The following DLG2 variants were observed in gnomAD, a reference collection of about 807,000 sequenced individuals.
DLG2 encodes discs large MAGUK scaffold protein 2.
DLG2 carries 45 observed loss-of-function variants against 132.5 expected under a neutral mutation model. The ratio of observed to expected loss-of-function variants is 0.34; its 90% CI spans 0.27 to 0.44. The LOEUF (loss-of-function observed/expected upper bound fraction) is 0.44. DLG2 is among the 20% of genes least tolerant of loss of function. The pLI, the probability that DLG2 is intolerant of heterozygous loss-of-function variation, is 1.00. For synonymous variants in DLG2, 424 were observed against 419.6 expected (o/e 1.01, Z -0.13); for missense variants, 1,045 against 1,196.9 (o/e 0.87, Z 1.87).
At chr11:84,547,906 C>T (rs1160881944) in intron 6 of DLG2, among the ~76,000 whole-genome samples, 1 of 152,176 alleles carries the variant, frequency 6.6e-6, no homozygotes, top group Non-Finnish European at 1.5e-5. Context: ...ATGACTAGCA[C>T]ATCCTAGAAG....
intron 8 of DLG2, among the ~76,000 whole-genome samples, chr11:84,225,444 A>G (rs1246249749): frequency 6.6e-6 from 1 of 152,192 alleles, no homozygotes; most frequent in Admixed American, 6.5e-5. Flanking sequence ...TGTTCCCAAA[A>G]CCAGGAAGAT....
rs189883062 is a variant in DLG2 at position 85,284,125 on chromosome 11, A to G, written c.186+1095T>C. On this transcript the variant is annotated intron_variant, in intron 4 of 27. Coordinates refer to ENST00000376104, the MANE Select transcript of DLG2 (RefSeq NM_001142699.3). The stretch of plus-strand genomic sequence containing the variant: ...AAATGCCCTATATGCTATTGTCCCA[A>G]CTTCATGTACATATATTTGTACAAA... Among the ~76,000 whole-genome samples the G allele has an allele frequency of 1.1e-4, 16 of 152,072 alleles. No individual in the cohort carries two copies. In the East Asian group the frequency reaches 2.3e-3, roughly 22 times the overall value.
chr11:85,455,423 G>A (rs897386622), intron 3 of DLG2, among the ~76,000 whole-genome samples: 4 of 152,130 alleles, frequency 2.6e-5, no homozygotes, highest in Non-Finnish European at 5.9e-5. Flanking sequence ...AAGCTTTTAG[G>A]CAGAGACTAT....
At chr11:84,934,464 C>T (rs1350413914) in intron 6 of DLG2, among the ~76,000 whole-genome samples, 2 of 132,796 alleles carry the variant, frequency 1.5e-5, no homozygotes, top group Non-Finnish European at 1.5e-5. Flanking sequence ...CTTCTTTGTA[C>T]ATCCTCTTTG....
intron 21 of DLG2, among the ~76,000 whole-genome samples, chr11:83,519,771 C>G (rs1244558213): frequency 6.6e-6 from 1 of 152,206 alleles, no homozygotes; most frequent in Non-Finnish European, 1.5e-5. Flanking sequence ...TCAGGCAGCT[C>G]ATGGGATGAG....
At chr11:84,965,027 A>G (rs2053132012) in intron 6 of DLG2, among the ~76,000 whole-genome samples, 1 of 152,150 alleles carries the variant, frequency 6.6e-6, no homozygotes, top group South Asian at 2.1e-4. Flanking sequence ...TTTGCCGTGT[A>G]TATTTTAATA....
intron 10 of DLG2, among the ~76,000 whole-genome samples, chr11:84,094,126 A>G (rs1310266462): frequency 6.6e-6 from 1 of 152,114 alleles, no homozygotes; most frequent in Non-Finnish European, 1.5e-5. Flanking sequence ...AAACATGGAC[A>G]CTGGAGTCAA....
chr11:84,860,367 T>A (rs1447014251), intron 6 of DLG2, among the ~76,000 whole-genome samples: 1 of 152,152 alleles, frequency 6.6e-6, no homozygotes, highest in Non-Finnish European at 1.5e-5. Flanking sequence ...AGAATGTTCA[T>A]TAAGTACTTT....
chr11:83,815,416 C>A (rs1316595736), intron 17 of DLG2, among the ~76,000 whole-genome samples: 1 of 152,098 alleles, frequency 6.6e-6, no homozygotes, highest in Non-Finnish European at 1.5e-5. Flanking sequence ...AAGCAAAATT[C>A]TCAATAAATT....
chr11:84,031,511 G>A (rs2095690591), intron 11 of DLG2, among the ~76,000 whole-genome samples: 1 of 152,116 alleles, frequency 6.6e-6, no homozygotes, highest in Non-Finnish European at 1.5e-5. Flanking sequence ...TTTGTGAGAA[G>A]GCAGAGAGAA....
At chr11:84,357,092 G>C (rs1201138158) in intron 7 of DLG2, among the ~76,000 whole-genome samples, 3 of 151,974 alleles carry the variant, frequency 2.0e-5, no homozygotes, top group African/African-American at 7.2e-5. Flanking sequence ...AGCCTCATGA[G>C]GAATCAGATT....
chr11:84,151,628 G>A (rs766669699), intron 9 of DLG2, among the ~76,000 whole-genome samples: 7 of 152,102 alleles, frequency 4.6e-5, no homozygotes, highest in South Asian at 2.1e-4. Flanking sequence ...TCCTCTAGGC[G>A]TAATGTTAGA....
In DLG2 at chr11:84,652,746, A is replaced by G. The variant is rs12279352; in HGVS notation, c.358-118015T>C. The stretch of plus-strand genomic sequence containing the variant: ...ATTATTTCATTTAAACCTTTTAACT[A>G]TTATTGTTAGACCCATCTTACAGAT... On this transcript the variant is annotated intron_variant, in intron 6 of 27. Coordinates refer to ENST00000376104, the MANE Select transcript of DLG2 (RefSeq NM_001142699.3). Among the ~76,000 whole-genome samples, 641 of 152,250 alleles carry G rather than the reference A, an allele frequency of 4.2e-3. 4 individuals are homozygous for G. The highest frequency in any genetic ancestry group is 0.014 in the African/African-American group (602 of 41,528).
In DLG2 at chr11:84,652,894, A is replaced by T. The variant is rs149363256; in HGVS notation, c.358-118163T>A. ...GTCAGTGTGTTTCACAAGATAGTGCAGGACAATGGTGAGGTACAATAGAAT... is the reference window on the plus strand; with the variant it reads ...GTCAGTGTGTTTCACAAGATAGTGCTGGACAATGGTGAGGTACAATAGAAT... On this transcript the variant is annotated intron_variant, in intron 6 of 27. Coordinates refer to ENST00000376104, the MANE Select transcript of DLG2 (RefSeq NM_001142699.3). 7.9e-5 allele frequency among the ~76,000 whole-genome samples: 12 copies of T among 151,936 alleles called. No individual in the cohort carries two copies. The East Asian group carries it at 1.4e-3, about 17-fold the overall frequency.
intron 6 of DLG2, among the ~76,000 whole-genome samples, chr11:84,805,874 A>G (rs1276336595): frequency 6.6e-6 from 1 of 152,226 alleles, no homozygotes; most frequent in Non-Finnish European, 1.5e-5. Flanking sequence ...AAATGCCAAT[A>G]CCAAGGTGAA....
chr11:85,289,930 T>C (rs549458539), intron 3 of DLG2, among the ~76,000 whole-genome samples: 1 of 152,288 alleles, frequency 6.6e-6, no homozygotes, highest in South Asian at 2.1e-4. Flanking sequence ...GAAATAGTTG[T>C]TCACCCACCT....
chr11:84,564,811 C>T (rs2099445040), intron 6 of DLG2, among the ~76,000 whole-genome samples: 1 of 152,148 alleles, frequency 6.6e-6, no homozygotes, highest in Non-Finnish European at 1.5e-5. Context: ...ACCTGAACTA[C>T]AGTTACCAAA....
At chr11:85,370,333 C>T (rs1185854715) in intron 3 of DLG2, among the ~76,000 whole-genome samples, 6 of 152,062 alleles carry the variant, frequency 3.9e-5, no homozygotes, top group Non-Finnish European at 7.4e-5. Context: ...AAACTTTTGC[C>T]TAGAGTTAAA....
chr11:84,050,551 T>C (rs1208032476), intron 11 of DLG2, among the ~76,000 whole-genome samples: 1 of 152,038 alleles, frequency 6.6e-6, no homozygotes, highest in African/African-American at 2.4e-5. Flanking sequence ...TTTTGACTTT[T>C]GTTGCCATTG....
Sources: gnomAD v4.1 joint callset for allele counts (sites outside exome capture counted in the v4.1 genomes callset) on GRCh38, gnomAD v4.1.1 for gene constraint, MANE v1.5 for transcripts, NCBI Gene and HGNC (gene_info 2026-07-23, HGNC 2026-07-21) for gene names.